TAFA2: variants seen among roughly 807,000 people sequenced by gnomAD.
TAFA2 encodes chemokine-like protein TAFA-2.
TAFA2 carries 7 observed loss-of-function variants against 18.8 expected under a neutral mutation model. That is an observed-to-expected ratio of 0.37 (90% CI 0.21 to 0.70). The LOEUF is 0.70. Ranked by LOEUF, TAFA2 falls within the 30% of genes least tolerant of loss-of-function variation. The pLI is 0.53. For missense variants in TAFA2, 122 were observed against 158.1 expected (o/e 0.77, Z 1.23); for synonymous variants, 60 against 54.2 (o/e 1.11, Z -0.47).
intron 1 of TAFA2, among the ~76,000 whole-genome samples, chr12:62,005,837 T>C (rs1880528764): frequency 6.6e-6 from 1 of 152,142 alleles, no homozygotes. Context: ...GCAACTCAAG[T>C]TCGATGTCCT....
In TAFA2 at chr12:61,929,940, G is replaced by A. The variant is rs1877482722; in HGVS notation, c.-1-62514C>T. ...AAACACTGCATGTTCTCACTCATAG[G>A]TGGGAATTGAACAATGACAACACAT... is the stretch of plus-strand genomic sequence containing the variant. On this transcript the variant is annotated intron_variant, in intron 1 of 4. Coordinates refer to ENST00000416284, the MANE Select transcript of TAFA2 (RefSeq NM_178539.5). 2.0e-5 allele frequency among the ~76,000 whole-genome samples: 3 copies of A among 150,920 alleles called. No homozygotes were observed. In the South Asian group the frequency reaches 6.2e-4, roughly 31 times the overall value.
At chr12:62,247,641 A>C (rs2062893184) in intron 1 of TAFA2, among the ~76,000 whole-genome samples, 1 of 152,226 alleles carries the variant, frequency 6.6e-6, no homozygotes, top group East Asian at 1.9e-4. Context: ...CTTACGTAGA[A>C]TGTGACTTCA....
chr12:62,089,770 C>T (rs1868630338), intron 1 of TAFA2, among the ~76,000 whole-genome samples: 1 of 152,080 alleles, frequency 6.6e-6, no homozygotes, highest in South Asian at 2.1e-4. Context: ...GATTAGAAGG[C>T]TAGGTGAAGC....
In TAFA2 at chr12:62,218,983, A is replaced by C. The variant is rs574636536; in HGVS notation, c.-130+39780T>G. Reference sequence around the variant, plus strand: ...ATAGAATTAAAATGACAATATAAGAAAACTGTAATTTACACATAATTAGAA... The same window carrying C: ...ATAGAATTAAAATGACAATATAAGACAACTGTAATTTACACATAATTAGAA... On this transcript the variant is annotated intron_variant, in intron 1 of 5. Transcript: ENST00000551619. Among the ~76,000 whole-genome samples, 9 of 152,294 alleles carry C rather than the reference A, an allele frequency of 5.9e-5. No homozygotes were observed. In the South Asian group the frequency reaches 1.9e-3, roughly 32 times the overall value.
chr12:61,922,143 T>C (rs181434637), intron 1 of TAFA2, among the ~76,000 whole-genome samples: 1 of 151,900 alleles, frequency 6.6e-6, no homozygotes, highest in Non-Finnish European at 1.5e-5. Flanking sequence ...AATGGAGCAG[T>C]TGGAAGGAGC....
intron 1 of TAFA2, among the ~76,000 whole-genome samples, chr12:62,003,959 T>C (rs1880462808): frequency 6.6e-6 from 1 of 152,172 alleles, no homozygotes; most frequent in African/African-American, 2.4e-5. Context: ...ACTCATATGT[T>C]ACCGTCTAAA....
At chr12:62,067,365 G>A (rs11614871) in intron 1 of TAFA2, among the ~76,000 whole-genome samples, 7,530 of 151,848 alleles carry the variant, frequency 0.05, 251 homozygotes, top group South Asian at 0.089. Flanking sequence ...GTGCCTGTGG[G>A]GTATTACTCA....
chr12:61,725,975 CTT>C (rs900813757), intron 4 of TAFA2, among the ~76,000 whole-genome samples: 1 of 150,350 alleles, frequency 6.7e-6, no homozygotes, highest in African/African-American at 2.4e-5. Context: ...AGTGTACACT[CTT>C]TGGGTAATGG....
At chr12:61,982,474 C>T (rs925814870) in intron 1 of TAFA2, among the ~76,000 whole-genome samples, 1 of 151,998 alleles carries the variant, frequency 6.6e-6, no homozygotes, top group African/African-American at 2.4e-5. Flanking sequence ...TATCCCTGGC[C>T]AGGCACAGTG....
At position 61,963,920 on chromosome 12, in the gene TAFA2, T is replaced by C. The variant is rs189735712; in HGVS notation, c.-1-96494A>G. Among the ~76,000 whole-genome samples, 587 of 152,018 alleles carry C rather than the reference T, an allele frequency of 3.9e-3. 5 individuals carry two copies. Among genetic ancestry groups the C allele is most frequent in the African/African-American group, 0.013 (555 of 41,502 alleles). On this transcript the variant is annotated intron_variant, in intron 1 of 4. Transcript: ENST00000416284. ...AACAGAACAGAGGCTTCAGAAATAA[T>C]GCCACACATGTACAATCATCTGATC...
chr12:61,801,398 C>G (rs958440307), intron 2 of TAFA2, among the ~76,000 whole-genome samples: 3 of 152,030 alleles, frequency 2.0e-5, no homozygotes, highest in Admixed American at 2.0e-4. Flanking sequence ...GTAACCGAAA[C>G]AGCATAGTAC....
rs117631054 is a variant in TAFA2, at chr12:61,852,749, C to A, written c.106+14571G>T. On this transcript the variant is annotated intron_variant, in intron 2 of 4. Coordinates refer to ENST00000416284, the MANE Select transcript of TAFA2 (RefSeq NM_178539.5). ...ACACGAGGAGGGAAAATTCAAGTCC[C>A]ACCCACCCAGTTTGGGACAAATAAT... Among the ~76,000 whole-genome samples, 970 of 152,198 alleles carry A rather than the reference C, an allele frequency of 6.4e-3. 2 individuals carry two copies. The highest frequency in any genetic ancestry group is 0.011 in the Non-Finnish European group (723 of 68,000).
chr12:61,856,174 G>A (rs1434184215), intron 2 of TAFA2, among the ~76,000 whole-genome samples: 2 of 151,816 alleles, frequency 1.3e-5, no homozygotes, highest in Non-Finnish European at 2.9e-5. Flanking sequence ...ATTACCTACA[G>A]CTAGTAAAGA....
intron 1 of TAFA2, among the ~76,000 whole-genome samples, chr12:61,902,992 C>T (rs929533687): frequency 2.6e-4 from 39 of 152,046 alleles, no homozygotes; most frequent in Admixed American, 2.6e-3. Flanking sequence ...AATCCATCCG[C>T]TTTTTTACAC....
At chr12:62,207,319 C>T (rs914723583) in intron 1 of TAFA2, 1 of 152,126 alleles carries the variant, frequency 6.6e-6, no homozygotes, top group Non-Finnish European at 1.5e-5. Flanking sequence ...TATATGGCCA[C>T]ATTTATTTTA....
intron 1 of TAFA2, among the ~76,000 whole-genome samples, chr12:62,217,985 T>C (rs2062743477): frequency 6.6e-6 from 1 of 150,510 alleles, no homozygotes; most frequent in African/African-American, 2.4e-5. Flanking sequence ...TATTTATTTA[T>C]TTATTTATTT....
intron 1 of TAFA2, among the ~76,000 whole-genome samples, chr12:61,970,287 G>A (rs1879204585): frequency 6.6e-6 from 1 of 151,442 alleles, no homozygotes; most frequent in Non-Finnish European, 1.5e-5. Flanking sequence ...AATTGCACAG[G>A]GTAAAATTTG....
At chr12:61,983,175 A>T (rs1313806966) in intron 1 of TAFA2, among the ~76,000 whole-genome samples, 2 of 152,136 alleles carry the variant, frequency 1.3e-5, no homozygotes, top group East Asian at 1.9e-4. Context: ...TCTATGGAAC[A>T]TCCTATTTTC....
chr12:62,093,587 AATTT>A (rs1313314036), intron 1 of TAFA2, among the ~76,000 whole-genome samples: 1 of 152,060 alleles, frequency 6.6e-6, no homozygotes, highest in Non-Finnish European at 1.5e-5. Flanking sequence ...TAACCACTAG[AATTT>A]ATACATCCAA....
Sources: allele counts gnomAD v4.1 joint callset (sites outside exome capture counted in the v4.1 genomes callset), GRCh38; gene constraint gnomAD v4.1.1; transcripts MANE v1.5; gene names NCBI Gene and HGNC (gene_info 2026-07-23, HGNC 2026-07-21).